PPP1R21: variants seen among roughly 807,000 people sequenced by gnomAD.
PPP1R21 encodes protein phosphatase 1 regulatory subunit 21.
Under a neutral mutation model 112.8 loss-of-function variants are expected in PPP1R21, and 85 were observed. The observed-to-expected ratio is 0.75, with a 90% CI of 0.63 to 0.90. The LOEUF is 0.90. Ranked by LOEUF, PPP1R21 falls within the 40% of genes least tolerant of loss-of-function variation. The probability of loss-of-function intolerance (pLI) is 0.00; values close to 1 mark genes in which losing one functional copy is unlikely to be tolerated. For missense variants in PPP1R21, 1,199 were observed against 901.5 expected (o/e 1.33, Z -4.23); for synonymous variants, 381 against 322.3 (o/e 1.18, Z -1.95).
At position 48,445,135 on chromosome 2, in the gene PPP1R21, C is replaced by CTTT. The variant is rs756357658; in HGVS notation, c.57+4144_57+4146dup. 2.6e-4 allele frequency among the ~76,000 whole-genome samples: 27 copies of CTTT among 102,632 alleles called. 1 individual carries two copies. Among genetic ancestry groups the CTTT allele is most frequent in the East Asian group, 1.3e-3 (4 of 3,130 alleles). 67.3% of individuals were successfully genotyped at this position (102,632 alleles called of 152,430 possible). A position where few individuals can be genotyped will look rare whatever the true frequency, so the allele number is the denominator to read the frequency against. ...GGATAGGATTAAAATTGAATATGAG[C>CTTT]TTTTTTTTTTTTTTTTTTTTTGACC... On this transcript the variant is annotated intron_variant, in intron 1 of 21. Coordinates refer to ENST00000294952, the MANE Select transcript of PPP1R21 (RefSeq NM_001135629.3).
chr2:48,507,595 C>A (rs1670441397), intron 19 of PPP1R21, among the ~76,000 whole-genome samples: 1 of 151,976 alleles, frequency 6.6e-6, no homozygotes, highest in East Asian at 1.9e-4. Flanking sequence ...TATCGATCTT[C>A]TGATCTCATG....
At chr2:48,487,956 G>T (rs775645254) in intron 14 of PPP1R21, among the ~76,000 whole-genome samples, 2 of 152,086 alleles carry the variant, frequency 1.3e-5, no homozygotes, top group Non-Finnish European at 2.9e-5. Context: ...AGCAGACTCA[G>T]CATGACTTCC....
rs1445524097 is a variant in PPP1R21, at chr2:48,501,261, C to T, written c.1935+2526C>T. On this transcript the variant is annotated intron_variant, in intron 17 of 21. Transcript: ENST00000294952. The stretch of plus-strand genomic sequence containing the variant: ...TAGATTTTTCCTTCAGTGTCTGTCT[C>T]AAATGATGGGGTCAGACTGTTCATT... Among the ~76,000 whole-genome samples, 18 of 152,196 alleles carry T rather than the reference C, an allele frequency of 1.2e-4. 1 individual carries two copies. Among genetic ancestry groups the T allele is most frequent in the Admixed American group, 1.2e-3 (18 of 15,278 alleles).
intron 9 of PPP1R21, among the ~76,000 whole-genome samples, chr2:48,466,793 A>G: frequency 6.6e-6 from 1 of 152,126 alleles, no homozygotes; most frequent in East Asian, 1.9e-4. Flanking sequence ...AGGGTGAGGC[A>G]TGGGGAGGGA....
intron 13 of PPP1R21, among the ~76,000 whole-genome samples, chr2:48,480,648 GT>G (rs558109109): frequency 2.6e-5 from 4 of 151,874 alleles, no homozygotes; most frequent in African/African-American, 4.8e-5. Context: ...TTGCTTCTAG[GT>G]TTTTTTTCCC....
chr2:48,489,634 C>G (rs1227091529), intron 14 of PPP1R21, among the ~76,000 whole-genome samples: 1 of 152,032 alleles, frequency 6.6e-6, no homozygotes, highest in Admixed American at 6.5e-5. Context: ...GCCACTGCAC[C>G]TGGCTTATCA....
At chr2:48,458,791 A>G (rs1017510962) in intron 4 of PPP1R21, among the ~76,000 whole-genome samples, 1 of 152,066 alleles carries the variant, frequency 6.6e-6, no homozygotes, top group Non-Finnish European at 1.5e-5. Context: ...ACCACTGAGC[A>G]TATTCTAAGA....
chr2:48,491,556 AAAAG>A (rs999663039), intron 15 of PPP1R21, among the ~76,000 whole-genome samples: 104 of 62,824 alleles, frequency 1.7e-3, no homozygotes, highest in African/African-American at 8.2e-3. Flanking sequence ...AAAGAAAAAA[AAAAG>A]AGAGAAGATA....
chr2:48,477,116 A>ATTTTTTTTTTTTTTTTTTTTTT, intron 12 of PPP1R21, among the ~76,000 whole-genome samples: 1 of 114,770 alleles, frequency 8.7e-6, no homozygotes, highest in Non-Finnish European at 1.8e-5. Context: ...TTTTGAATTA[A>ATTTTTTTTTTTTTTTTTTTTTT]TTTTTTTTTT....
intron 1 of PPP1R21, among the ~76,000 whole-genome samples, chr2:48,444,126 G>A (rs148626451): frequency 6.6e-6 from 1 of 152,340 alleles, no homozygotes; most frequent in East Asian, 1.9e-4. Flanking sequence ...AACTGTGGAG[G>A]TCAAAGCAGA....
At chr2:48,443,093 T>TA (rs1027614946) in intron 1 of PPP1R21, among the ~76,000 whole-genome samples, 10 of 152,306 alleles carry the variant, frequency 6.6e-5, no homozygotes, top group African/African-American at 2.4e-4. Flanking sequence ...GAATTATGGT[T>TA]AAAAAATGCT....
At chr2:48,448,031 A>T (rs1441043268) in intron 1 of PPP1R21, among the ~76,000 whole-genome samples, 1 of 152,182 alleles carries the variant, frequency 6.6e-6, no homozygotes, top group African/African-American at 2.4e-5. Context: ...TAAGCTTCTC[A>T]TTCAGTAATG....
chr2:48,487,330 G>A (rs1005566312), intron 14 of PPP1R21, among the ~76,000 whole-genome samples: 1 of 151,964 alleles, frequency 6.6e-6, no homozygotes, highest in Non-Finnish European at 1.5e-5. Flanking sequence ...CTACCTCTGT[G>A]GTTTTGTATC....
At chr2:48,490,176 G>A (rs4073573) in intron 14 of PPP1R21, among the ~76,000 whole-genome samples, 20,490 of 143,020 alleles carry the variant, frequency 0.14, 1,863 homozygotes, top group East Asian at 0.45. Context: ...CTGAGATTGT[G>A]CCACTCCACT....
intron 1 of PPP1R21, among the ~76,000 whole-genome samples, chr2:48,448,597 G>A (rs897138367): frequency 2.4e-4 from 6 of 25,236 alleles, no homozygotes; most frequent in African/African-American, 8.1e-4. Flanking sequence ...AAAATCTAAC[G>A]TCTTTAGATT....
intron 1 of PPP1R21, among the ~76,000 whole-genome samples, chr2:48,449,427 A>G (rs1237657420): frequency 9.2e-5 from 14 of 152,140 alleles, no homozygotes; most frequent in Non-Finnish European, 2.9e-5. Flanking sequence ...CCAAGTTTAT[A>G]TTGTCTAATA....
At chr2:48,494,239 CAAAAAAAAAAAAAAAA>C (rs70943345) in intron 15 of PPP1R21, among the ~76,000 whole-genome samples, 2 of 42,250 alleles carry the variant, frequency 4.7e-5, no homozygotes, top group Non-Finnish European at 7.2e-5. Flanking sequence ...GACCTTGTCT[CAAAAAAAAAAAAAAAA>C]AAAAAAAAAA....
At chr2:48,467,316 C>A (rs2103828553) in intron 9 of PPP1R21, among the ~76,000 whole-genome samples, 1 of 152,264 alleles carries the variant, frequency 6.6e-6, no homozygotes, top group South Asian at 2.1e-4. Context: ...AGGTAGCTTA[C>A]AAAATTTCAT....
intron 2 of PPP1R21, among the ~76,000 whole-genome samples, chr2:48,453,954 G>T (rs184728669): frequency 2.0e-5 from 3 of 151,548 alleles, no homozygotes; most frequent in Admixed American, 2.0e-4. Context: ...TAAATCTGAG[G>T]TTCTTTTTAA....
Sources: gnomAD v4.1 joint callset for allele counts (sites outside exome capture counted in the v4.1 genomes callset) on GRCh38, gnomAD v4.1.1 for gene constraint, MANE v1.5 for transcripts, NCBI Gene and HGNC (gene_info 2026-07-23, HGNC 2026-07-21) for gene names.